MUC5B: variants seen among roughly 807,000 people sequenced by gnomAD.
MUC5B encodes the protein mucin 5B, oligomeric mucus/gel-forming.
A neutral mutation model predicts 376.9 loss-of-function variants in MUC5B; 116 were observed. The ratio of observed to expected loss-of-function variants is 0.31; its 90% CI spans 0.26 to 0.36. MUC5B has a LOEUF of 0.36. MUC5B is among the 10% of genes least tolerant of loss of function. MUC5B has a pLI of 1.00. For missense variants in MUC5B, 7,165 were observed against 7,769.9 expected, an observed-to-expected ratio of 0.92 and a Z score of 2.93; for synonymous variants, 3,517 against 3,390.9, an observed-to-expected ratio of 1.04 and a Z score of -1.29.
chr11:1,229,778 C>G lies in MUC5B; in HGVS notation c.1191C>G (p.Gly397=). Residue 397 remains glycine (G), a synonymous_variant, in exon 10 of 49, where the codon GGC becomes GGG. Coordinates refer to ENST00000529681, the MANE Select transcript of MUC5B (RefSeq NM_002458.3). ...ACGGCGGCCGCACCTACAGCCCGGG[C>G]ACCTCCTTCAACACCACCTGCAGCT... The part of the protein sequence containing the change: ...CTHGGRTYSP[G]TSFNTTCSSC... 1.5e-5 allele frequency: 24 copies of G among 1,601,424 alleles called. No individual in the cohort carries two copies. Among genetic ancestry groups the G allele is most frequent in the Non-Finnish European group, 2.0e-5 (24 of 1,175,380 alleles).
At position 1,226,393 on chromosome 11, in the gene MUC5B, TC is replaced by T. The variant is rs1337229716; in HGVS notation, c.199+119del. 5 of 1,370,920 alleles carry T rather than the reference TC, an allele frequency of 3.6e-6. No individual in the cohort carries two copies. In the Admixed American group the frequency reaches 7.9e-5, roughly 22 times the overall value. The allele number at this position is 1,370,920 out of a possible 1,614,324, so 84.9% of individuals were successfully genotyped here. A position where few individuals can be genotyped will look rare whatever the true frequency, so the allele number is the denominator to read the frequency against. On this transcript the variant is annotated intron_variant, in intron 3 of 48. Transcript: ENST00000529681. ...TGGGGCCGTTGGGCCAGACCCAGAG[TC>T]CTCCGTGTGGGCGGTCTCCTGGTCA...
At chr11:1,252,737 G>A (rs2292634) in intron 32 of MUC5B, 72 bp from the exon 33 acceptor site, 5 of 1,512,530 alleles carry the variant, frequency 3.3e-6, no homozygotes, top group East Asian at 2.5e-5. Context: ...TTTGGGCCAT[G>A]AGGGGTGGGA....
rs779318289 is a variant in MUC5B at position 1,254,894 on chromosome 11, G to A, written c.15664+14G>A. On this transcript the variant is annotated intron_variant, in intron 35 of 48. Transcript: ENST00000529681. ...AGGGCCAGTGCGGTGAGTGGGCGGC[G>A]GGTCCTGCCCCGGCCAGGGCTGCTG... is the stretch of plus-strand genomic sequence containing the variant. The A allele has an allele frequency of 1.4e-5, 23 of 1,607,788 alleles. No homozygotes were observed. Among genetic ancestry groups the A allele is most frequent in the African/African-American group, 5.3e-5 (4 of 74,774 alleles).
rs548148120 is a variant in MUC5B, at chr11:1,254,685, T to C, written c.15478-9T>C. The C allele has an allele frequency of 1.2e-6, 2 of 1,609,446 alleles. No homozygotes were observed. Among genetic ancestry groups the C allele is most frequent in the Non-Finnish European group, 1.7e-6 (2 of 1,177,324 alleles). ...CCTCCCAGCTCAGGGTTCCCCTGGA[T>C]TCCCCCAGATCCTGTTTGACCAAAT... On this transcript the variant is annotated splice_polypyrimidine_tract_variant and intron_variant, in intron 34 of 48. Transcript: ENST00000529681.
chr11:1,226,574 G>C lies in MUC5B; in HGVS notation c.200-41G>C, dbSNP rs753992179. The C allele has an allele frequency of 6.3e-6, 10 of 1,580,632 alleles. No individual in the cohort carries two copies. The African/African-American group carries it at 1.2e-4, about 19-fold the overall frequency. On this transcript the variant is annotated intron_variant, in intron 3 of 48. Transcript: ENST00000529681. ...GGCCCAGGGGAGGCTACCCCGTGGG[G>C]GGCTGGCATGGGGATGGGCCTCATC...
rs1197763330 is a variant in MUC5B, at chr11:1,248,324, C to T, written c.11444C>T (p.Pro3815Leu). Reference protein sequence around the residue: ...TWTRLSQTTTPTATMSTATPS... With the variant: ...TWTRLSQTTTLTATMSTATPS... ...ACCCGCCTATCACAGACCACCACAC[C>T]CACGGCCACCATGTCCACAGCCACA... The change falls in exon 31 of 49, where the codon CCC (proline) becomes CTC (leucine). Residue 3815 changes from proline to leucine, a missense_variant. Pro to Leu is a moderately conservative substitution (Grantham distance 98). Around this residue, in one of 31 missense-constraint regions of MUC5B, gnomAD observed 72 missense variants for 127.8 expected, o/e 0.56. Transcript: ENST00000529681. 2 of 1,612,198 alleles carry T rather than the reference C, an allele frequency of 1.2e-6. No individual in the cohort carries two copies. The highest frequency in any genetic ancestry group is 1.7e-6 in the Non-Finnish European group (2 of 1,179,310).
At chr11:1,261,023 G>A (rs1453523500) in intron 48 of MUC5B, among the ~76,000 whole-genome samples, 1 of 152,262 alleles carries the variant, frequency 6.6e-6, no homozygotes, top group Non-Finnish European at 1.5e-5. Flanking sequence ...AGAGCCTTCT[G>A]TGAAGCCCCC....
In MUC5B at chr11:1,251,493, G is replaced by C; in HGVS notation, c.14613G>C (p.Leu4871=). The change falls in exon 31 of 49, where the codon CTG becomes CTC. Residue 4871 remains leucine (L), a synonymous_variant. Coordinates refer to ENST00000529681, the MANE Select transcript of MUC5B (RefSeq NM_002458.3). ...TGSTATASST[L]GTAHTPKVVT... is the part of the protein sequence containing the mutation. ...CCACGGCCACCGCCTCCTCCACTCT[G>C]GGAACAGCTCACACCCCCAAAGTGG... 2 of 1,548,162 alleles carry C rather than the reference G, an allele frequency of 1.3e-6. No individual in the cohort carries two copies. Among genetic ancestry groups the C allele is most frequent in the Non-Finnish European group, 1.8e-6 (2 of 1,125,878 alleles).
At chr11:1,226,508 G>A in intron 3 of MUC5B, 107 bp from the exon 4 acceptor site, 1 of 1,446,326 alleles carries the variant, frequency 6.9e-7, no homozygotes, top group South Asian at 1.3e-5. Context: ...ACAGCCAGCA[G>A]CCGACCATGG....
In MUC5B at chr11:1,247,224, G is replaced by C. The variant is rs769320671; in HGVS notation, c.10344G>C (p.Pro3448=). ...GGACCACCCACACACCCCCAGTGCC[G>C]AACACCACGGCCACCACACACGGGC... ...ALGTTHTPPV[P]NTTATTHGRS... is the part of the protein sequence containing the mutation. Residue 3448 remains proline, a synonymous_variant, in exon 31 of 49, where the codon CCG becomes CCC. Coordinates refer to ENST00000529681, the MANE Select transcript of MUC5B (RefSeq NM_002458.3). 4.5e-6 allele frequency: 7 copies of C among 1,572,360 alleles called. No homozygotes were observed. The highest frequency in any genetic ancestry group is 6.1e-6 in the Non-Finnish European group (7 of 1,145,044).
At chr11:1,232,869 A>G in intron 17 of MUC5B, 99 bp downstream of exon 17, 1 of 1,471,800 alleles carries the variant, frequency 6.8e-7, no homozygotes. Context: ...CTCAGCCCAG[A>G]GCTTTGCACT....
At chr11:1,240,421 C>T (rs757412700) in intron 30 of MUC5B, 46 bp downstream of exon 30, 1 of 1,509,296 alleles carries the variant, frequency 6.6e-7, no homozygotes, top group Non-Finnish European at 9.0e-7. Context: ...GTCTGGGTGA[C>T]AAGGAGGACC....
Position 1,260,020 on chromosome 11 carries a change from G to A in MUC5B, c.16858G>A (p.Ala5620Thr). The A allele has an allele frequency of 6.2e-7, 1 of 1,612,884 alleles. No homozygotes were observed. The highest frequency in any genetic ancestry group is 8.5e-7 in the Non-Finnish European group (1 of 1,179,768). The change falls in exon 46 of 49, where the codon GCT becomes ACT. Residue 5620 changes from alanine (A) to threonine (T), a missense_variant. Transcript: ENST00000529681. ...VDNCTVYLCE[A>T]EGGVHLLTPQ... ...CAACTGCACCGTGTACCTCTGTGAG[G>A]CTGAGGGTGGAGTCCATTTGCTGAC...
chr11:1,261,757 G>A lies in MUC5B; in HGVS notation c.*149G>A, dbSNP rs934160654. ...TGCTCCTGCTGCCCACCCCGTGGGT[G>A]AAACCGGCCCCAGAAGGGTGAGGGG... On this transcript the variant is annotated 3_prime_UTR_variant, in exon 49 of 49. Transcript: ENST00000529681. The A allele has an allele frequency of 1.0e-4, 84 of 818,748 alleles. No individual in the cohort carries two copies. The highest frequency in any genetic ancestry group is 1.6e-4 in the Non-Finnish European group (78 of 492,492). The allele number at this position is 818,748 out of a possible 1,614,324, so 50.7% of individuals were successfully genotyped here.
Position 1,246,469 on chromosome 11 carries a change from A to G in MUC5B, c.9589A>G (p.Thr3197Ala), listed in dbSNP as rs1862472667. 1.2e-6 allele frequency: 2 copies of G among 1,613,300 alleles called. No individual in the cohort carries two copies. The highest frequency in any genetic ancestry group is 1.7e-5 in the Admixed American group (1 of 59,982). Residue 3197 changes from threonine (T) to alanine (A), a missense_variant, in exon 31 of 49, where the codon ACC becomes GCC. Physicochemically the swap from Thr to Ala is moderately conservative, Grantham distance 58. Around this residue, in one of 31 missense-constraint regions of MUC5B, gnomAD observed 939 missense variants for 770.6 expected, o/e 1.22. Transcript: ENST00000529681. The part of the protein sequence containing the change: ...RATAGTLKVL[T>A]STATTPTVIS... ...AACTGCTGGCACCCTCAAAGTGCTG[A>G]CCAGCACGGCCACCACACCCACAGT...
Position 1,251,397 on chromosome 11 carries a change from C to G in MUC5B, c.14517C>G (p.Ser4839=). ...TAATGSTATL[S]STPGTTWILT... ...CCACTGGATCCACGGCCACCCTGTC[C>G]TCCACCCCAGGGACCACCTGGATCC... The change falls in exon 31 of 49, where the codon TCC becomes TCG. Residue 4839 remains serine, a synonymous_variant. Coordinates refer to ENST00000529681, the MANE Select transcript of MUC5B (RefSeq NM_002458.3). 1.2e-6 allele frequency: 2 copies of G among 1,612,582 alleles called. No individual in the cohort carries two copies. Among genetic ancestry groups the G allele is most frequent in the Non-Finnish European group, 1.7e-6 (2 of 1,179,174 alleles).
rs184417075 is a variant in MUC5B, at chr11:1,249,912, C to T, written c.13032C>T (p.Pro4344=). The T allele has an allele frequency of 3.8e-5, 62 of 1,613,664 alleles. No individual in the cohort carries two copies. Among genetic ancestry groups the T allele is most frequent in the Admixed American group, 3.2e-4 (19 of 60,000 alleles). Residue 4344 remains proline (P), a synonymous_variant, in exon 31 of 49, where the codon CCC becomes CCT. Transcript: ENST00000529681. The stretch of plus-strand genomic sequence containing the variant: ...CCCTCCCAGAACAGACCACCACACC[C>T]GTGGCCACCATGTCCACAATCCACC... ...TGTLPEQTTT[P]VATMSTIHPS... is the part of the protein sequence containing the mutation.
At chr11:1,230,724 G>A (rs1275463442) in intron 12 of MUC5B, 124 bp downstream of exon 12, 2 of 790,152 alleles carry the variant, frequency 2.5e-6, no homozygotes, top group Middle Eastern at 4.2e-4. Context: ...CCCCAGGCCA[G>A]GTCCCCCTCC....
intron 45 of MUC5B, 48 bp downstream of exon 45, chr11:1,259,890 A>G: frequency 6.2e-7 from 1 of 1,611,796 alleles, no homozygotes; most frequent in Non-Finnish European, 8.5e-7. Flanking sequence ...CTCCCTGGAG[A>G]CCCTCACCCC....
Sources: allele counts gnomAD v4.1 joint callset (sites outside exome capture counted in the v4.1 genomes callset), GRCh38; gene constraint gnomAD v4.1.1; regional missense constraint gnomAD v4.1.1; transcripts MANE v1.5; gene names NCBI Gene and HGNC (gene_info 2026-07-23, HGNC 2026-07-21).